CHRM3: variants seen among roughly 807,000 people sequenced by gnomAD.
The protein encoded by CHRM3 is muscarinic acetylcholine receptor M3.
CHRM3 carries 11 observed loss-of-function variants against 41.8 expected under a neutral mutation model. The observed-to-expected ratio is 0.26, with a 90% CI of 0.17 to 0.44. CHRM3 has a LOEUF of 0.44. CHRM3 is among the 20% of genes least tolerant of loss of function. CHRM3 has a pLI of 1.00. For synonymous variants in CHRM3, 297 were observed against 301.4 expected (o/e 0.99, Z 0.15); for missense variants, 571 against 745.4 (o/e 0.77, Z 2.72).
intron 2 of CHRM3, among the ~76,000 whole-genome samples, chr1:239,515,802 A>AGTT (rs1669226872): frequency 6.6e-6 from 1 of 152,202 alleles, no homozygotes; most frequent in Non-Finnish European, 1.5e-5. Context: ...ACAATAGATA[A>AGTT]AAATAAACTA....
At chr1:239,746,226 A>G (rs1213776776) in intron 5 of CHRM3, among the ~76,000 whole-genome samples, 1 of 152,270 alleles carries the variant, frequency 6.6e-6, no homozygotes, top group Non-Finnish European at 1.5e-5. Context: ...TGTTGAAGGT[A>G]ACTCTTCGTA....
intron 3 of CHRM3, among the ~76,000 whole-genome samples, chr1:239,586,584 T>G (rs1374394233): frequency 1.3e-5 from 2 of 152,234 alleles, no homozygotes; most frequent in African/African-American, 4.8e-5. Flanking sequence ...ATTAATTTAT[T>G]TTTAAAGTAC....
intron 3 of CHRM3, among the ~76,000 whole-genome samples, chr1:239,567,218 A>G (rs1259977254): frequency 6.6e-6 from 1 of 151,792 alleles, no homozygotes; most frequent in Non-Finnish European, 1.5e-5. Flanking sequence ...ATGCACCTGA[A>G]TGTCCCAGCT....
intron 1 of CHRM3, among the ~76,000 whole-genome samples, chr1:239,407,460 T>C (rs1011481584): frequency 2.9e-5 from 4 of 137,264 alleles, no homozygotes; most frequent in African/African-American, 5.0e-5. Context: ...TTCCAGTTTC[T>C]AGAACGCTAT....
chr1:239,552,359 AGAT>A (rs1194747813), intron 3 of CHRM3, among the ~76,000 whole-genome samples: 2 of 147,856 alleles, frequency 1.4e-5, no homozygotes, highest in East Asian at 3.9e-4. Context: ...ATATATGTAT[AGAT>A]GATATGTATC....
At chr1:239,818,779 G>C (rs532853567) in intron 5 of CHRM3, among the ~76,000 whole-genome samples, 1 of 152,194 alleles carries the variant, frequency 6.6e-6, no homozygotes, top group Non-Finnish European at 1.5e-5. Context: ...TTATGGGCAG[G>C]AAAGGGCTGA....
intron 2 of CHRM3, among the ~76,000 whole-genome samples, chr1:239,526,503 G>C (rs1670002305): frequency 6.6e-6 from 1 of 152,062 alleles, no homozygotes; most frequent in Non-Finnish European, 1.5e-5. Context: ...TGCTGGCCTG[G>C]GTGTCAGTAT....
chr1:239,879,835 C>G (rs986633617), intron 6 of CHRM3, among the ~76,000 whole-genome samples: 3 of 152,212 alleles, frequency 2.0e-5, no homozygotes, highest in Admixed American at 2.0e-4. Context: ...CTCTCCCTCC[C>G]CAGCTACAAT....
At chr1:239,525,804 C>G (rs1669956868) in intron 2 of CHRM3, among the ~76,000 whole-genome samples, 1 of 152,178 alleles carries the variant, frequency 6.6e-6, no homozygotes, top group African/African-American at 2.4e-5. Context: ...GGCATGTAGG[C>G]AAAAGATGTA....
intron 2 of CHRM3, among the ~76,000 whole-genome samples, chr1:239,521,587 T>C (rs1459224142): frequency 6.6e-6 from 1 of 152,194 alleles, no homozygotes; most frequent in Non-Finnish European, 1.5e-5. Context: ...AATACAATAC[T>C]ACGTGAATTA....
At chr1:239,679,626 G>C (rs1035019947) in intron 5 of CHRM3, among the ~76,000 whole-genome samples, 1 of 152,066 alleles carries the variant, frequency 6.6e-6, no homozygotes, top group African/African-American at 2.4e-5. Flanking sequence ...TTCTGTGAGA[G>C]TCTGAAATCC....
At chr1:239,884,211 A>T (rs1293918369) in intron 6 of CHRM3, among the ~76,000 whole-genome samples, 2 of 152,228 alleles carry the variant, frequency 1.3e-5, no homozygotes, top group Non-Finnish European at 2.9e-5. Flanking sequence ...GCTTGAGAGG[A>T]AGAGATCATC....
chr1:239,867,845 C>G (rs555236071), intron 6 of CHRM3, among the ~76,000 whole-genome samples: 33 of 152,286 alleles, frequency 2.2e-4, no homozygotes, highest in African/African-American at 7.9e-4. Context: ...ATCTCCCCTC[C>G]AAAGGCAGCC....
At position 239,808,524 on chromosome 1, in the gene CHRM3, G is replaced by A. The variant is rs79984832; in HGVS notation, c.-146-18728G>A. The stretch of plus-strand genomic sequence containing the variant: ...GAGTGATCTTTCCCAGCTGTAGTAC[G>A]AGATCAAATCTAACGGAATAAAGAT... On this transcript the variant is annotated intron_variant, in intron 5 of 6. Transcript: ENST00000676153. Among the ~76,000 whole-genome samples, 1,355 of 152,188 alleles carry A rather than the reference G, an allele frequency of 8.9e-3. 82 individuals are homozygous for A. The East Asian group carries it at 0.16, about 18-fold the overall frequency.
intron 4 of CHRM3, among the ~76,000 whole-genome samples, chr1:239,643,501 G>A (rs189348439): frequency 0.014 from 2,196 of 152,300 alleles, 65 homozygotes; most frequent in African/African-American, 0.05. Context: ...CCGCGCTGCC[G>A]CCTTGCAGTT....
chr1:239,904,651 A>C (rs1319501827), intron 6 of CHRM3, among the ~76,000 whole-genome samples: 1 of 152,226 alleles, frequency 6.6e-6, no homozygotes, highest in Non-Finnish European at 1.5e-5. Flanking sequence ...AATGAGAGTT[A>C]AGTGTAAGTT....
At chr1:239,776,065 A>G (rs1417239354) in intron 5 of CHRM3, among the ~76,000 whole-genome samples, 3 of 152,054 alleles carry the variant, frequency 2.0e-5, no homozygotes, top group Non-Finnish European at 4.4e-5. Context: ...CTTCTTTTCT[A>G]TTTATCTCTT....
rs562122675 is a variant in CHRM3 at position 239,455,701 on chromosome 1, T to C, written c.-520-37008T>C. 7.2e-5 allele frequency among the ~76,000 whole-genome samples: 11 copies of C among 152,328 alleles called. No individual in the cohort carries two copies. The East Asian group carries it at 1.9e-3, about 27-fold the overall frequency. ...GTGTTTGTGTTTAAGCTAAGTGATA[T>C]TACGTTTGAGTCAAAAAGTTTTTAA... On this transcript the variant is annotated intron_variant, in intron 1 of 6. Transcript: ENST00000676153.
chr1:239,395,167 C>T (rs1659371913), intron 1 of CHRM3, among the ~76,000 whole-genome samples: 1 of 152,124 alleles, frequency 6.6e-6, no homozygotes, highest in African/African-American at 2.4e-5. Context: ...CTGTTCCCCA[C>T]CCCTATTTTC....
Sources: allele counts gnomAD v4.1 joint callset (sites outside exome capture counted in the v4.1 genomes callset), GRCh38; gene constraint gnomAD v4.1.1; transcripts MANE v1.5; gene names NCBI Gene and HGNC (gene_info 2026-07-23, HGNC 2026-07-21).